The following ARHGAP12 variants were observed in gnomAD, a reference collection of about 807,000 sequenced individuals.
ARHGAP12 encodes the protein rho GTPase-activating protein 12.
A neutral mutation model predicts 108.6 loss-of-function variants in ARHGAP12; 64 were observed. That is an observed-to-expected ratio of 0.59 (90% CI 0.48 to 0.73). The LOEUF (loss-of-function observed/expected upper bound fraction) is 0.73, where lower values mean the gene tolerates loss of function less well. ARHGAP12 is among the 30% of genes least tolerant of loss of function. The probability of loss-of-function intolerance (pLI) is 0.00; values close to 1 mark genes in which losing one functional copy is unlikely to be tolerated. For missense variants in ARHGAP12, 940 were observed against 1,005.9 expected (o/e 0.93, Z 0.89); for synonymous variants, 312 against 337.2 (o/e 0.93, Z 0.82).
chr10:31,924,898 T>C (rs919293376), intron 1 of ARHGAP12, among the ~76,000 whole-genome samples: 1 of 152,036 alleles, frequency 6.6e-6, no homozygotes, highest in Non-Finnish European at 1.5e-5. Flanking sequence ...ACTTTGTAAC[T>C]TTCAGACGTC....
At chr10:31,823,857 T>C (rs1460754623) in intron 11 of ARHGAP12, among the ~76,000 whole-genome samples, 1 of 152,176 alleles carries the variant, frequency 6.6e-6, no homozygotes, top group Non-Finnish European at 1.5e-5. Context: ...GCTTACATTT[T>C]AGCCTTAGAA....
At chr10:31,848,805 G>A (rs1233039266) in intron 6 of ARHGAP12, among the ~76,000 whole-genome samples, 1 of 152,086 alleles carries the variant, frequency 6.6e-6, no homozygotes, top group African/African-American at 2.4e-5. Flanking sequence ...AGGCGCGGTG[G>A]CTCACGCCTG....
chr10:31,898,317 T>C (rs1331361970), intron 3 of ARHGAP12, among the ~76,000 whole-genome samples: 1 of 152,166 alleles, frequency 6.6e-6, no homozygotes, highest in Non-Finnish European at 1.5e-5. Flanking sequence ...GAAAAGATGC[T>C]CAACGTCATT....
At chr10:31,909,940 AC>A (rs1417381398) in intron 2 of ARHGAP12, among the ~76,000 whole-genome samples, 1 of 152,150 alleles carries the variant, frequency 6.6e-6, no homozygotes, top group Non-Finnish European at 1.5e-5. Context: ...GAGGAAAGCT[AC>A]AGAGGGAGAA....
intron 1 of ARHGAP12, among the ~76,000 whole-genome samples, chr10:31,925,609 G>A (rs1840003877): frequency 6.6e-6 from 1 of 152,120 alleles, no homozygotes; most frequent in Non-Finnish European, 1.5e-5. Context: ...ATATCCCAGA[G>A]CGTTTTCAAA....
intron 11 of ARHGAP12, among the ~76,000 whole-genome samples, chr10:31,822,577 AG>A (rs1340458353): frequency 4.6e-5 from 7 of 152,216 alleles, no homozygotes; most frequent in Non-Finnish European, 8.8e-5. Flanking sequence ...TTCATTTTTA[AG>A]ATGAATGCTT....
At chr10:31,841,926 C>A (rs989087342) in intron 7 of ARHGAP12, among the ~76,000 whole-genome samples, 2 of 151,900 alleles carry the variant, frequency 1.3e-5, no homozygotes, top group African/African-American at 4.8e-5. Context: ...CATCTGTTTG[C>A]AAAGGGTAAG....
chr10:31,920,857 A>C (rs1839778368), intron 1 of ARHGAP12, among the ~76,000 whole-genome samples: 1 of 152,202 alleles, frequency 6.6e-6, no homozygotes, highest in South Asian at 2.1e-4. Flanking sequence ...AAAAGAACTG[A>C]AATTATGCAA....
intron 14 of ARHGAP12, 85 bp from the exon 15 acceptor site, chr10:31,812,908 T>C (rs1029761917): frequency 9.5e-5 from 64 of 676,716 alleles, no homozygotes; most frequent in Admixed American, 1.8e-4. Flanking sequence ...GCAAAACACA[T>C]TAACCTCATA....
Position 31,849,057 on chromosome 10 carries a change from T to TA in ARHGAP12, c.1170+3459dup, listed in dbSNP as rs776665652. On this transcript the variant is annotated intron_variant, in intron 6 of 19. Transcript: ENST00000344936. ...TGGGCGACAGAGCGAGACTCGTCTT[T>TA]AAAAAAAAAAAAAAGAACATTACTT... Among the ~76,000 whole-genome samples the TA allele has an allele frequency of 1.6e-3, 230 of 143,912 alleles. 1 individual carries two copies. The highest frequency in any genetic ancestry group is 3.0e-3 in the Admixed American group (43 of 14,448). The allele number at this position is 143,912 out of a possible 152,430, so 94.4% of individuals were successfully genotyped here. A position where few individuals can be genotyped will look rare whatever the true frequency, so the allele number is the denominator to read the frequency against.
intron 3 of ARHGAP12, among the ~76,000 whole-genome samples, chr10:31,873,798 TATTA>T (rs1837625018): frequency 6.6e-6 from 1 of 152,240 alleles, no homozygotes; most frequent in Non-Finnish European, 1.5e-5. Flanking sequence ...GAAACCTCAT[TATTA>T]ATTTGTGTTA....
chr10:31,818,709 A>T (rs1223110008), intron 12 of ARHGAP12, among the ~76,000 whole-genome samples: 3 of 152,210 alleles, frequency 2.0e-5, no homozygotes, highest in Non-Finnish European at 4.4e-5. Context: ...AAATTTTTGA[A>T]AAAGGTATAT....
chr10:31,812,662 C>A (rs753349835), intron 15 of ARHGAP12, 45 bp downstream of exon 15: 2 of 1,175,572 alleles, frequency 1.7e-6, no homozygotes, highest in Non-Finnish European at 1.2e-6. Context: ...TTATTTATGA[C>A]GTAGGCCAAC....
At chr10:31,844,024 A>T (rs1480027506) in intron 6 of ARHGAP12, among the ~76,000 whole-genome samples, 1 of 152,186 alleles carries the variant, frequency 6.6e-6, no homozygotes, top group African/African-American at 2.4e-5. Flanking sequence ...CTTCTACTAA[A>T]ATCAAAAATA....
Position 31,854,050 on chromosome 10 carries a change from G to GA in ARHGAP12, c.1089+15dup, listed in dbSNP as rs748080643. On this transcript the variant is annotated intron_variant, in intron 5 of 19. Coordinates refer to ENST00000344936, the MANE Select transcript of ARHGAP12 (RefSeq NM_018287.7). ...AATTCTGCCAAAAAACACTAGATGA[G>GA]AAAAAAAGAATGTACCTTTTCATTA... 3.8e-6 allele frequency: 6 copies of GA among 1,593,624 alleles called. No homozygotes were observed. Among genetic ancestry groups the GA allele is most frequent in the South Asian group, 1.2e-5 (1 of 86,412 alleles).
intron 1 of ARHGAP12, among the ~76,000 whole-genome samples, chr10:31,912,789 T>C (rs1435247507): frequency 6.6e-6 from 1 of 152,054 alleles, no homozygotes; most frequent in Non-Finnish European, 1.5e-5. Flanking sequence ...AGAGAAACTA[T>C]TAAAATTATA....
At chr10:31,884,055 AT>A (rs1266117983) in intron 3 of ARHGAP12, among the ~76,000 whole-genome samples, 1 of 150,556 alleles carries the variant, frequency 6.6e-6, no homozygotes, top group Non-Finnish European at 1.5e-5. Context: ...ATAAGTGAAT[AT>A]TAGCATAGTT....
At chr10:31,836,844 T>C (rs892418528) in intron 9 of ARHGAP12, among the ~76,000 whole-genome samples, 1 of 152,048 alleles carries the variant, frequency 6.6e-6, no homozygotes, top group Admixed American at 6.6e-5. Context: ...CACAACAGCA[T>C]GGATGGAGCA....
chr10:31,888,488 A>C lies in ARHGAP12; in HGVS notation c.684+19684T>G, dbSNP rs143083884. On this transcript the variant is annotated intron_variant, in intron 3 of 19. Coordinates refer to ENST00000344936, the MANE Select transcript of ARHGAP12 (RefSeq NM_018287.7). The stretch of plus-strand genomic sequence containing the variant: ...ACTTGTCTACAGCCACGTGGATGAA[A>C]TATCTTTGGAAGAATAACAGAACCA... Among the ~76,000 whole-genome samples, 3 of 152,376 alleles carry C rather than the reference A, an allele frequency of 2.0e-5. No individual in the cohort carries two copies. In the East Asian group the frequency reaches 5.8e-4, roughly 29 times the overall value.
Sources: allele counts gnomAD v4.1 joint callset (sites outside exome capture counted in the v4.1 genomes callset), GRCh38; gene constraint gnomAD v4.1.1; transcripts MANE v1.5; gene names NCBI Gene and HGNC (gene_info 2026-07-23, HGNC 2026-07-21).